The following PLEKHA6 variants were observed in gnomAD, a reference collection of about 807,000 sequenced individuals.
PLEKHA6 encodes the protein pleckstrin homology domain-containing family A member 6.
In PLEKHA6, 60 loss-of-function variants were observed where a neutral mutation model predicts 116.7. That is an observed-to-expected ratio of 0.51 (90% confidence interval 0.42 to 0.64). The LOEUF (loss-of-function observed/expected upper bound fraction) is 0.64, where lower values mean the gene tolerates loss of function less well. PLEKHA6 is among the 30% of genes least tolerant of loss of function. The probability of loss-of-function intolerance (pLI) is 0.00; values close to 1 mark genes in which losing one functional copy is unlikely to be tolerated. For missense variants in PLEKHA6, 1,338 were observed against 1,422.7 expected, an observed-to-expected ratio of 0.94 and a Z score of 0.96; for synonymous variants, 489 against 556.1, an observed-to-expected ratio of 0.88 and a Z score of 1.70.
Position 204,372,689 on chromosome 1 carries a change from G to A in PLEKHA6, c.84-1083C>T, listed in dbSNP as rs56693953. On this transcript the variant is annotated intron_variant, in intron 1 of 4. Transcript: ENST00000564627. Reference sequence around the variant, plus strand: ...TCTATACACCTGTGAAACTGCCACCGAAATCAAGATAATGAATTCCCAAAC... The same window carrying A: ...TCTATACACCTGTGAAACTGCCACCAAAATCAAGATAATGAATTCCCAAAC... Among the ~76,000 whole-genome samples, 374 of 152,082 alleles carry A rather than the reference G, an allele frequency of 2.5e-3. 2 individuals carry two copies. The highest frequency in any genetic ancestry group is 8.5e-3 in the African/African-American group (354 of 41,502).
chr1:204,361,046 G>C (rs996628478), upstream of PLEKHA6, among the ~76,000 whole-genome samples: 6 of 152,152 alleles, frequency 3.9e-5, no homozygotes, highest in Admixed American at 3.9e-4. Flanking sequence ...CTCCAGGCAG[G>C]CTCGCTGGTC....
At position 204,244,870 on chromosome 1, in the gene PLEKHA6, G is replaced by A; in HGVS notation, c.2166C>T (p.Ser722=). The A allele has an allele frequency of 1.3e-6, 2 of 1,565,850 alleles. No individual in the cohort carries two copies. The highest frequency in any genetic ancestry group is 1.7e-6 in the Non-Finnish European group (2 of 1,154,550). The change falls in exon 15 of 23, where the codon TCC becomes TCT. Residue 722 remains serine (S), a synonymous_variant. Transcript: ENST00000272203. Reference sequence around the variant, plus strand: ...ACTCCATTTCTCAACTTACCTCGTTGGAGCCAGGCTTGGTGGGGGACCCCT... The same window carrying A: ...ACTCCATTTCTCAACTTACCTCGTTAGAGCCAGGCTTGGTGGGGGACCCCT... ...GSQGSPTKPG[S]NEPKANYEQS... is the part of the protein sequence containing the mutation.
intron 1 of PLEKHA6, among the ~76,000 whole-genome samples, chr1:204,318,197 C>G (rs1327420861): frequency 3.9e-5 from 6 of 152,228 alleles, no homozygotes; most frequent in Non-Finnish European, 8.8e-5. Context: ...TCACAGGTGT[C>G]TGTCCTGGCT....
At chr1:204,283,103 A>G (rs1171157584) in intron 1 of PLEKHA6, among the ~76,000 whole-genome samples, 1 of 152,172 alleles carries the variant, frequency 6.6e-6, no homozygotes, top group African/African-American at 2.4e-5. Context: ...CGCCGGGTCT[A>G]TGGAAGGTCA....
At chr1:204,355,891 T>C (rs1673399138) in intron 1 of PLEKHA6, among the ~76,000 whole-genome samples, 1 of 152,138 alleles carries the variant, frequency 6.6e-6, no homozygotes, top group Non-Finnish European at 1.5e-5. Context: ...TTAAAAATTG[T>C]CTCACTCCCA....
At chr1:204,256,933 A>T (rs1665388175) in intron 9 of PLEKHA6, 2 of 595,616 alleles carry the variant, frequency 3.4e-6, no homozygotes, top group Non-Finnish European at 6.0e-6. Flanking sequence ...TGGCTGGGAC[A>T]CGGAGTTCCC....
intron 1 of PLEKHA6, among the ~76,000 whole-genome samples, chr1:204,276,582 G>C (rs1668029182): frequency 1.3e-5 from 2 of 151,188 alleles, no homozygotes; most frequent in African/African-American, 4.9e-5. Context: ...GTCTCCTTCT[G>C]CTCTGTGTGT....
At chr1:204,278,135 C>G (rs956015314) in intron 1 of PLEKHA6, among the ~76,000 whole-genome samples, 34 of 152,166 alleles carry the variant, frequency 2.2e-4, no homozygotes, top group African/African-American at 8.0e-4. Context: ...GGTCAGCGCT[C>G]CCCCCTTTCC....
chr1:204,279,125 TA>T (rs940711188), intron 1 of PLEKHA6, among the ~76,000 whole-genome samples: 1 of 151,820 alleles, frequency 6.6e-6, no homozygotes, highest in African/African-American at 2.4e-5. Context: ...GAGGAGGGGG[TA>T]GGGGCGCTTT....
chr1:204,245,514 T>C (rs1338703915), intron 14 of PLEKHA6, 101 bp downstream of exon 14: 1 of 742,908 alleles, frequency 1.3e-6, no homozygotes, highest in Non-Finnish European at 2.3e-6. Flanking sequence ...TGCCTGGCTC[T>C]GAACACAGTG....
intron 2 of PLEKHA6, chr1:204,369,630 T>C (rs1452433594): frequency 2.0e-5 from 3 of 152,222 alleles, no homozygotes; most frequent in Non-Finnish European, 4.4e-5. Context: ...TATATTCCCA[T>C]CCAGGCGGAG....
At chr1:204,291,109 C>T (rs953926884) in intron 1 of PLEKHA6, among the ~76,000 whole-genome samples, 3 of 151,932 alleles carry the variant, frequency 2.0e-5, no homozygotes, top group African/African-American at 7.3e-5. Flanking sequence ...AGAACTCTCA[C>T]AACTTAGTAT....
chr1:204,315,909 G>A (rs1332339070), intron 1 of PLEKHA6, among the ~76,000 whole-genome samples: 1 of 152,200 alleles, frequency 6.6e-6, no homozygotes, highest in Non-Finnish European at 1.5e-5. Context: ...GATTACTGGG[G>A]TACCTGGACT....
rs762612390 is a variant in PLEKHA6 at position 204,230,582 on chromosome 1, C to T, written c.2414G>A (p.Arg805His). Residue 805 changes from arginine to histidine, a missense_variant, in exon 18 of 23, where the codon CGC becomes CAC. Arg to His is a conservative substitution (Grantham distance 29). This residue lies in a region of PLEKHA6 where 1,136 missense variants were observed against 1,163.6 expected (regional missense o/e 0.98). Transcript: ENST00000272203. ...GLTNGLSSQE[R>H]PKSAVFPGEG... The stretch of plus-strand genomic sequence containing the variant: ...GCCAGGAAACACAGCACTCTTGGGG[C>T]GTTCCTGCTGCCATGGGAAAACAGG... 9.4e-6 allele frequency: 15 copies of T among 1,600,012 alleles called. No homozygotes were observed. Among genetic ancestry groups the T allele is most frequent in the East Asian group, 9.0e-5 (4 of 44,362 alleles).
chr1:204,257,697 G>A lies in PLEKHA6; in HGVS notation c.1180C>T (p.His394Tyr). Residue 394 changes from histidine to tyrosine, a missense_variant, in exon 9 of 23, where the codon CAT (histidine) becomes TAT (tyrosine). Coordinates refer to ENST00000272203, the MANE Select transcript of PLEKHA6 (RefSeq NM_014935.5). The surrounding 1 kb of genome is among the most constrained non-coding windows in gnomAD (Gnocchi z 6.5). ...GGGCCACCCCCATTGCGGAAGGCAT[G>A]GCGCTTGTCCTCCAGGGCCCAGGGC... is the stretch of plus-strand genomic sequence containing the variant. ...SPPWALEDKRHAFRNGGGPAY... is the reference protein window; with the variant it reads ...SPPWALEDKRYAFRNGGGPAY... The A allele has an allele frequency of 6.2e-7, 1 of 1,611,970 alleles. No individual in the cohort carries two copies. The highest frequency in any genetic ancestry group is 8.5e-7 in the Non-Finnish European group (1 of 1,179,220).
intron 1 of PLEKHA6, among the ~76,000 whole-genome samples, chr1:204,303,540 T>C (rs979980889): frequency 4.6e-5 from 7 of 152,230 alleles, no homozygotes; most frequent in African/African-American, 7.2e-5. Context: ...CAAGTCTGCA[T>C]ATATGTGCAC....
At chr1:204,348,522 G>A (rs1398150) in intron 1 of PLEKHA6, among the ~76,000 whole-genome samples, 82,345 of 152,116 alleles carry the variant, frequency 0.54, 25,577 homozygotes, top group East Asian at 0.82. Flanking sequence ...CACACAGGCT[G>A]AATTCACACA....
At chr1:204,298,350 A>C (rs1342049888) in intron 1 of PLEKHA6, among the ~76,000 whole-genome samples, 1 of 152,224 alleles carries the variant, frequency 6.6e-6, no homozygotes, top group Non-Finnish European at 1.5e-5. Flanking sequence ...GAGACTTTTC[A>C]ATGTTGACTC....
intron 9 of PLEKHA6, chr1:204,255,595 G>A: frequency 1.4e-6 from 1 of 702,024 alleles, no homozygotes; most frequent in East Asian, 2.7e-5. Flanking sequence ...GAAGGCAGTG[G>A]GATGATAAGG....
Sources: allele counts gnomAD v4.1 joint callset (sites outside exome capture counted in the v4.1 genomes callset), GRCh38; gene constraint gnomAD v4.1.1; regional missense constraint gnomAD v4.1.1; non-coding constraint Gnocchi (gnomAD v3.1); transcripts MANE v1.5; gene names NCBI Gene and HGNC (gene_info 2026-07-23, HGNC 2026-07-21).